The following EPG5 variants were observed in gnomAD, a reference collection of about 807,000 sequenced individuals.
EPG5 encodes the protein ectopic P-granules 5 autophagy tethering factor.
In EPG5, 159 loss-of-function variants were observed where a neutral mutation model predicts 302.7. The observed-to-expected ratio is 0.53, with a 90% CI of 0.46 to 0.60. The LOEUF (loss-of-function observed/expected upper bound fraction) is 0.60, where lower values mean the gene tolerates loss of function less well. Among genes scored for constraint, EPG5 ranks in the 20% least tolerant of loss-of-function variants. EPG5 has a pLI of 0.00. For missense variants in EPG5, 2,896 were observed against 3,092.4 expected (o/e 0.94, Z 1.51); for synonymous variants, 1,158 against 1,136.8 (o/e 1.02, Z -0.37).
chr18:45,912,542 C>G (rs2049930206), intron 21 of EPG5, 86 bp from the exon 22 acceptor site: 1 of 1,250,044 alleles, frequency 8.0e-7, no homozygotes, highest in African/African-American at 1.6e-5. Context: ...AACTGAAACA[C>G]CAAACATTCT....
At chr18:45,838,119 C>G in the EPG5 span, among the ~76,000 whole-genome samples, 3 of 152,328 alleles carry the variant, frequency 2.0e-5, no homozygotes, top group South Asian at 6.2e-4. Context: ...GAGGTGGGCC[C>G]GGGAATAGGC....
downstream of EPG5, among the ~76,000 whole-genome samples, chr18:45,846,666 A>G (rs1162602037): frequency 2.6e-5 from 4 of 152,168 alleles, no homozygotes; most frequent in Admixed American, 6.5e-5. Flanking sequence ...CGATCCAGAC[A>G]CTAAGACAGG....
Position 45,882,495 on chromosome 18 carries a change from G to A in EPG5, c.5305-8C>T. 2 of 1,595,566 alleles carry A rather than the reference G, an allele frequency of 1.3e-6. No homozygotes were observed. Among genetic ancestry groups the A allele is most frequent in the South Asian group, 1.1e-5 (1 of 87,834 alleles). ...CCATTGTTTAAGATCGAACTAAAAA[G>A]AAAAAGAAACAAAAAGCCGTTTTAT... On this transcript the variant is annotated splice_region_variant and splice_polypyrimidine_tract_variant and intron_variant, in intron 30 of 43. Coordinates refer to ENST00000282041, the MANE Select transcript of EPG5 (RefSeq NM_020964.3).
intron 43 of EPG5, 75 bp downstream of exon 43, chr18:45,855,498 G>T: frequency 9.9e-7 from 1 of 1,010,682 alleles, no homozygotes. Flanking sequence ...ACGCGCACAG[G>T]CTACGGCTGC....
At chr18:45,905,866 T>G (rs1451481568) in intron 24 of EPG5, among the ~76,000 whole-genome samples, 1 of 152,192 alleles carries the variant, frequency 6.6e-6, no homozygotes, top group Non-Finnish European at 1.5e-5. Flanking sequence ...AAGCCTTGGA[T>G]ATGGATGAGG....
At chr18:45,826,605 C>A in the EPG5 span, among the ~76,000 whole-genome samples, 1 of 152,170 alleles carries the variant, frequency 6.6e-6, no homozygotes, top group Non-Finnish European at 1.5e-5. Flanking sequence ...CCAGTCCTTA[C>A]CCCATCCCCA....
the EPG5 span, among the ~76,000 whole-genome samples, chr18:45,827,680 G>A: frequency 6.6e-6 from 1 of 152,194 alleles, no homozygotes; most frequent in Non-Finnish European, 1.5e-5. Context: ...CTACATCAAA[G>A]GCCCCCAGCA....
intron 1 of EPG5, among the ~76,000 whole-genome samples, chr18:45,959,179 G>A (rs1160087037): frequency 6.6e-6 from 1 of 152,134 alleles, no homozygotes. Flanking sequence ...GAACCCCTTG[G>A]GCAGTTACAA....
the EPG5 span, among the ~76,000 whole-genome samples, chr18:45,824,629 G>T: frequency 3.9e-5 from 6 of 152,218 alleles, no homozygotes; most frequent in African/African-American, 1.4e-4. Context: ...CCCATGAGAA[G>T]GGATACAGCC....
intron 7 of EPG5, among the ~76,000 whole-genome samples, chr18:45,945,455 ACTC>A (rs1352679626): frequency 1.3e-5 from 2 of 151,872 alleles, no homozygotes; most frequent in Non-Finnish European, 2.9e-5. Flanking sequence ...TTTCTCATCT[ACTC>A]CTCAAGTTCT....
chr18:45,876,078 G>T (rs1469765563), intron 35 of EPG5, among the ~76,000 whole-genome samples, 158 bp downstream of exon 35: 2 of 150,292 alleles, frequency 1.3e-5, no homozygotes, highest in African/African-American at 2.4e-5. Context: ...AAAAAAAAAA[G>T]TTACACACTT....
At chr18:45,921,012 C>A (rs549587861) in intron 16 of EPG5, among the ~76,000 whole-genome samples, 31 of 152,312 alleles carry the variant, frequency 2.0e-4, no homozygotes, top group African/African-American at 7.2e-4. Context: ...GATTCTCACC[C>A]TTTTCCCTGC....
the EPG5 span, chr18:45,837,025 G>C: frequency 7.2e-7 from 1 of 1,383,466 alleles, no homozygotes; most frequent in Admixed American, 1.7e-5. Context: ...GTGTTTATCT[G>C]TAGGCTCATT....
chr18:45,918,028 G>A (rs2050071839), intron 16 of EPG5, among the ~76,000 whole-genome samples: 1 of 152,192 alleles, frequency 6.6e-6, no homozygotes, highest in African/African-American at 2.4e-5. Context: ...TTGTATGGAT[G>A]AGGAAGGTGA....
intron 25 of EPG5, among the ~76,000 whole-genome samples, chr18:45,902,545 C>A (rs1164461257): frequency 1.3e-5 from 2 of 152,310 alleles, no homozygotes; most frequent in South Asian, 2.1e-4. Flanking sequence ...TGGACCACAA[C>A]TGACAAAAAT....
chr18:45,933,593 A>C (rs1198557660), intron 11 of EPG5, among the ~76,000 whole-genome samples: 1 of 151,838 alleles, frequency 6.6e-6, no homozygotes, highest in African/African-American at 2.4e-5. Context: ...TAGGAGAATC[A>C]CTTGAGCCCG....
intron 1 of EPG5, among the ~76,000 whole-genome samples, chr18:45,958,762 T>C (rs946586087): frequency 1.3e-5 from 2 of 152,244 alleles, no homozygotes; most frequent in Non-Finnish European, 2.9e-5. Context: ...TTCTTACATA[T>C]GGCACCAAAA....
chr18:45,839,234 T>G, the EPG5 span: 1 of 1,201,908 alleles, frequency 8.3e-7, no homozygotes, highest in Non-Finnish European at 1.1e-6. Context: ...CTTTCCTCTC[T>G]TTGCATGAAG....
the EPG5 span, chr18:45,839,131 C>A: frequency 1.5e-6 from 2 of 1,358,406 alleles, no homozygotes; most frequent in African/African-American, 3.1e-5. Context: ...CCGCGAGGGG[C>A]CGGGCCGGGG....
Sources: gnomAD v4.1 joint callset for allele counts (sites outside exome capture counted in the v4.1 genomes callset) on GRCh38, gnomAD v4.1.1 for gene constraint, MANE v1.5 for transcripts, NCBI Gene and HGNC (gene_info 2026-07-23, HGNC 2026-07-21) for gene names.